Variants in AAK1 observed in about 807,000 individuals in gnomAD.
AAK1 encodes AP2 associated kinase 1, also known as AP2-associated protein kinase 1.
A neutral mutation model predicts 116.0 loss-of-function variants in AAK1; 37 were observed. The observed-to-expected ratio is 0.32, with a 90% CI of 0.25 to 0.42. The LOEUF (loss-of-function observed/expected upper bound fraction) is 0.42, where lower values mean the gene tolerates loss of function less well. AAK1 is among the 10% of genes least tolerant of loss of function. The pLI is 1.00. For synonymous variants in AAK1, 458 were observed against 439.9 expected, an observed-to-expected ratio of 1.04 and a Z score of -0.51; for missense variants, 919 against 1,170.6, an observed-to-expected ratio of 0.79 and a Z score of 3.14.
At chr2:69,531,721 T>C (rs1670263806) in intron 6 of AAK1, 4 of 1,051,652 alleles carry the variant, frequency 3.8e-6, no homozygotes, top group South Asian at 3.6e-5. Flanking sequence ...AAAAACATGC[T>C]AGTACTTTTA....
chr2:69,576,853 G>GA (rs1253702628), intron 2 of AAK1, among the ~76,000 whole-genome samples: 1 of 152,184 alleles, frequency 6.6e-6, no homozygotes, highest in Non-Finnish European at 1.5e-5. Flanking sequence ...ATAGCGGTCT[G>GA]AAAAACTGCT....
At chr2:69,628,295 T>A (rs79782973) in intron 2 of AAK1, among the ~76,000 whole-genome samples, 1 of 151,960 alleles carries the variant, frequency 6.6e-6, no homozygotes, top group Non-Finnish European at 1.5e-5. Context: ...TTTTTTTTTT[T>A]AATGTTTTCT....
intron 2 of AAK1, among the ~76,000 whole-genome samples, chr2:69,606,403 G>C (rs551212425): frequency 6.7e-4 from 102 of 152,298 alleles, no homozygotes; most frequent in African/African-American, 2.4e-3. Context: ...CTTAGTGCTG[G>C]AGATACAAAG....
At chr2:69,633,212 C>G (rs1349193316) in intron 2 of AAK1, among the ~76,000 whole-genome samples, 2 of 111,400 alleles carry the variant, frequency 1.8e-5, no homozygotes, top group African/African-American at 8.6e-5. Flanking sequence ...GAGTGAGACT[C>G]TGTTTCAAAA....
chr2:69,469,876 T>G lies in AAK1; in HGVS notation c.*5993A>C, dbSNP rs1193799786. ...TGGGTAACTCCATATTAGTCTATTTTGAGGCTCCAAATTATGTAGATTTCA... is the reference window on the plus strand; with the variant it reads ...TGGGTAACTCCATATTAGTCTATTTGGAGGCTCCAAATTATGTAGATTTCA... On this transcript the variant is annotated 3_prime_UTR_variant, in exon 22 of 22. Coordinates refer to ENST00000409085, the MANE Select transcript of AAK1 (RefSeq NM_014911.5). 5 of 985,324 alleles carry G rather than the reference T, an allele frequency of 5.1e-6. No individual in the cohort carries two copies. In the African/African-American group the frequency reaches 8.7e-5, roughly 17 times the overall value. The allele number at this position is 985,324 out of a possible 1,614,324, so 61.0% of individuals were successfully genotyped here. A position where few individuals can be genotyped will look rare whatever the true frequency, so the allele number is the denominator to read the frequency against.
chr2:69,634,627 C>A (rs796795978), intron 2 of AAK1, among the ~76,000 whole-genome samples: 3 of 152,182 alleles, frequency 2.0e-5, no homozygotes, highest in African/African-American at 7.2e-5. Context: ...AATTACATAT[C>A]TCTTGCAGTG....
chr2:69,577,222 G>C (rs1672350504), intron 2 of AAK1, among the ~76,000 whole-genome samples: 1 of 152,204 alleles, frequency 6.6e-6, no homozygotes, highest in Non-Finnish European at 1.5e-5. Context: ...GTGCCTAGCA[G>C]GCTCATTTCT....
chr2:69,590,479 C>G (rs2105168926), intron 2 of AAK1, among the ~76,000 whole-genome samples: 1 of 152,338 alleles, frequency 6.6e-6, no homozygotes, highest in South Asian at 2.1e-4. Flanking sequence ...CAGTGCCTGT[C>G]CTTCCTGGAG....
chr2:69,504,579 C>T (rs1414774832), intron 16 of AAK1, among the ~76,000 whole-genome samples: 2 of 151,896 alleles, frequency 1.3e-5, no homozygotes, highest in Non-Finnish European at 2.9e-5. Context: ...ACCAGCCTGG[C>T]CAACATGGTG....
rs1675859166 is a variant in AAK1 at position 69,643,636 on chromosome 2, G to A, written c.-296C>T. On this transcript the variant is annotated 5_prime_UTR_variant, in exon 1 of 22. Transcript: ENST00000409085. ...CCCGCGACATTGTCACGGCCGCCGG[G>A]CCGGCCTGCGACGCAGAGAAGAGGC... The A allele has an allele frequency of 2.4e-6, 3 of 1,228,036 alleles. No individual in the cohort carries two copies. Among genetic ancestry groups the A allele is most frequent in the South Asian group, 4.1e-5 (1 of 24,120 alleles). 76.1% of individuals were successfully genotyped at this position (1,228,036 alleles called of 1,614,324 possible).
chr2:69,596,811 G>A (rs926678764), intron 2 of AAK1, among the ~76,000 whole-genome samples: 3 of 152,154 alleles, frequency 2.0e-5, no homozygotes, highest in African/African-American at 7.2e-5. Context: ...GCTGGGGTAT[G>A]TGGTGGTGAG....
At chr2:69,513,849 C>G (rs1302440865) in intron 13 of AAK1, among the ~76,000 whole-genome samples, 1 of 152,190 alleles carries the variant, frequency 6.6e-6, no homozygotes, top group Non-Finnish European at 1.5e-5. Context: ...AGAGGACAAT[C>G]AGACGAGGGG....
At position 69,471,488 on chromosome 2, in the gene AAK1, C is replaced by T. The variant is rs962731127; in HGVS notation, c.*4381G>A. ...TAGCTTTGCAGTATCTGGAGTGTTT[C>T]AGGAAAGCTTCCATTCTAAATATTC... On this transcript the variant is annotated 3_prime_UTR_variant, in exon 22 of 22. Coordinates refer to ENST00000409085, the MANE Select transcript of AAK1 (RefSeq NM_014911.5). 1.0e-6 allele frequency: 1 copy of T among 985,404 alleles called. No individual in the cohort carries two copies. Among genetic ancestry groups the T allele is most frequent in the African/African-American group, 1.7e-5 (1 of 57,342 alleles). 61.0% of individuals were successfully genotyped at this position (985,404 alleles called of 1,614,324 possible).
At chr2:69,481,040 T>C in intron 18 of AAK1, 79 bp from the exon 19 acceptor site, 2 of 1,205,420 alleles carry the variant, frequency 1.7e-6, no homozygotes, top group Non-Finnish European at 2.3e-6. Flanking sequence ...TCTGTGAAGC[T>C]TTCTTCTTTT....
intron 2 of AAK1, among the ~76,000 whole-genome samples, chr2:69,628,280 TTTTC>T (rs1438850136): frequency 6.9e-6 from 1 of 144,400 alleles, no homozygotes; most frequent in Admixed American, 6.9e-5. Flanking sequence ...ACCCTGTTTC[TTTTC>T]TTTTTTTTTT....
chr2:69,634,149 G>A (rs113530278), intron 2 of AAK1, among the ~76,000 whole-genome samples: 5,299 of 151,964 alleles, frequency 0.035, 181 homozygotes, highest in Non-Finnish European at 0.048. Context: ...TAGCCTGGGC[G>A]ACAGCAAGAC....
intron 9 of AAK1, among the ~76,000 whole-genome samples, chr2:69,525,518 C>T (rs971937301): frequency 1.3e-5 from 2 of 152,216 alleles, no homozygotes; most frequent in Admixed American, 6.5e-5. Flanking sequence ...GACAGATCTT[C>T]GTTCGAGCTT....
At chr2:69,614,749 C>T (rs1393786691) in intron 2 of AAK1, among the ~76,000 whole-genome samples, 1 of 152,152 alleles carries the variant, frequency 6.6e-6, no homozygotes, top group African/African-American at 2.4e-5. Context: ...CTGGATTATG[C>T]TGGCAGACCC....
intron 2 of AAK1, among the ~76,000 whole-genome samples, chr2:69,634,466 G>C (rs1394997192): frequency 2.0e-5 from 3 of 152,234 alleles, no homozygotes; most frequent in Admixed American, 6.5e-5. Context: ...TGTCCTGCCA[G>C]TGAAAGAGGC....
Sources: allele counts gnomAD v4.1 joint callset (sites outside exome capture counted in the v4.1 genomes callset), GRCh38; gene constraint gnomAD v4.1.1; transcripts MANE v1.5; gene names NCBI Gene and HGNC (gene_info 2026-07-23, HGNC 2026-07-21).